PRDM15: variants seen among roughly 807,000 people sequenced by gnomAD.
PRDM15 encodes the protein PR/SET domain 15.
A neutral mutation model predicts 128.6 loss-of-function variants in PRDM15; 64 were observed. That is an observed-to-expected ratio of 0.50 (90% CI 0.41 to 0.61). PRDM15 has a LOEUF of 0.61. Among genes scored for constraint, PRDM15 ranks in the 20% least tolerant of loss-of-function variants. PRDM15 has a pLI of 0.00. For missense variants in PRDM15, 1,242 were observed against 1,569.1 expected (o/e 0.79, Z 3.52); for synonymous variants, 615 against 621.8 (o/e 0.99, Z 0.16).
At chr21:41,878,646 C>A in intron 1 of PRDM15, 2 of 1,233,902 alleles carry the variant, frequency 1.6e-6, no homozygotes, top group South Asian at 1.3e-5. Flanking sequence ...TCTCTGCCAC[C>A]AAAAGGCTTA....
chr21:41,858,751 G>A (rs1020795785), intron 3 of PRDM15, among the ~76,000 whole-genome samples: 1 of 151,484 alleles, frequency 6.6e-6, no homozygotes, highest in Non-Finnish European at 1.5e-5. Context: ...GAGGGTTCTG[G>A]GGAAGAGGGG....
At chr21:41,861,790 A>G in intron 1 of PRDM15, 2 of 1,603,516 alleles carry the variant, frequency 1.2e-6, no homozygotes, top group South Asian at 2.2e-5. Flanking sequence ...AAGTTAGGAG[A>G]GTGAGTTAGC....
At position 41,821,930 on chromosome 21, in the gene PRDM15, A is replaced by G; in HGVS notation, c.1869T>C (p.Pro623=). The G allele has an allele frequency of 3.1e-6, 5 of 1,614,136 alleles. No individual in the cohort carries two copies. The highest frequency in any genetic ancestry group is 4.2e-6 in the Non-Finnish European group (5 of 1,180,034). Residue 623 remains proline, a synonymous_variant, in exon 15 of 24, where the codon CCT becomes CCC. Transcript: ENST00000398548. This position sits in a 1 kb window ranked among gnomAD's most constrained non-coding sequence, Gnocchi z 5.4. Reference sequence around the variant, plus strand: ...GGCACCGCTTGCAGCTGTACTTGTGAGGCTCCGAGTCTGCGCTCTCGTCAG... The same window carrying G: ...GGCACCGCTTGCAGCTGTACTTGTGGGGCTCCGAGTCTGCGCTCTCGTCAG... ...DNSDESADSE[P]HKYSCKRCQL...
chr21:41,857,240 T>C lies in PRDM15; in HGVS notation c.221A>G (p.Gln74Arg). Residue 74 changes from glutamine (Q) to arginine (R), a missense_variant, in exon 4 of 24, where the codon CAG (glutamine) becomes CGG (arginine). Coordinates refer to ENST00000398548, the MANE Select transcript of PRDM15 (RefSeq NM_001040424.3). ...FAITQLVKRT[Q>R]FGPFESRRVA... ...CCTCCTGGACTCAAAGGGACCGAACTGTGTCCGCTTGACGAGCTGAGTGAT... is the reference window on the plus strand; with the variant it reads ...CCTCCTGGACTCAAAGGGACCGAACCGTGTCCGCTTGACGAGCTGAGTGAT... 1 of 1,613,880 alleles carries C rather than the reference T, an allele frequency of 6.2e-7. No individual in the cohort carries two copies. Among genetic ancestry groups the C allele is most frequent in the African/African-American group, 1.3e-5 (1 of 75,028 alleles).
intron 1 of PRDM15, among the ~76,000 whole-genome samples, chr21:41,865,369 C>A (rs2063970901): frequency 1.3e-5 from 2 of 152,220 alleles, no homozygotes; most frequent in South Asian, 4.1e-4. Context: ...CATGTCTCTC[C>A]CACCACACTT....
rs1173453237 is a variant in PRDM15, at chr21:41,828,025, C to T, written c.1534+141G>A. 3.9e-6 allele frequency: 3 copies of T among 772,462 alleles called. No homozygotes were observed. The highest frequency in any genetic ancestry group is 2.6e-5 in the East Asian group (1 of 38,020). The allele number at this position is 772,462 out of a possible 1,614,324, so 47.9% of individuals were successfully genotyped here. A position where few individuals can be genotyped will look rare whatever the true frequency, so the allele number is the denominator to read the frequency against. On this transcript the variant is annotated intron_variant, in intron 12 of 23. Coordinates refer to ENST00000398548, the MANE Select transcript of PRDM15 (RefSeq NM_001040424.3). The surrounding 1 kb of genome is among the most constrained non-coding windows in gnomAD (Gnocchi z 5.7). ...GGTTCTCAGAAGAGGATGAGCCCAT[C>T]GGATGGCGGGCGTTTCCAGGCAAAG... is the stretch of plus-strand genomic sequence containing the variant.
At position 41,854,727 on chromosome 21, in the gene PRDM15, G is replaced by C. The variant is rs2063527774; in HGVS notation, c.377C>G (p.Ala126Gly). 2 of 1,613,190 alleles carry C rather than the reference G, an allele frequency of 1.2e-6. No homozygotes were observed. Among genetic ancestry groups the C allele is most frequent in the Non-Finnish European group, 1.7e-6 (2 of 1,179,906 alleles). Residue 126 changes from alanine (A) to glycine (G), a missense_variant, in exon 5 of 24, where the codon GCC becomes GGC. By Grantham distance (60) the Ala-to-Gly change is moderately conservative. Around this residue, in one of 3 missense-constraint regions of PRDM15, gnomAD observed 612 missense variants for 717.0 expected, o/e 0.85. Coordinates refer to ENST00000398548, the MANE Select transcript of PRDM15 (RefSeq NM_001040424.3). This position sits in a 1 kb window ranked among gnomAD's most constrained non-coding sequence, Gnocchi z 4.6. Reference protein sequence around the residue: ...WMMLVRPAAEAEHQNLTAYQH... With the variant: ...WMMLVRPAAEGEHQNLTAYQH... ...GTAGGCCGTCAGGTTCTGGTGCTCG[G>C]CCTCCGCCGCTGGCCGCACCAGCAT...
intron 18 of PRDM15, among the ~76,000 whole-genome samples, chr21:41,819,120 C>T (rs1226514340): frequency 1.3e-5 from 2 of 152,234 alleles, no homozygotes; most frequent in Non-Finnish European, 2.9e-5. Context: ...GCTTTCTGGA[C>T]TACTTGATTT....
intron 23 of PRDM15, among the ~76,000 whole-genome samples, chr21:41,802,206 A>G (rs1696502740): frequency 6.6e-6 from 1 of 152,242 alleles, no homozygotes; most frequent in African/African-American, 2.4e-5. Flanking sequence ...AAGAGAGAGA[A>G]GTGCAGTATT....
In PRDM15 at chr21:41,863,061, C is replaced by T. The variant is rs544082044; in HGVS notation, c.-9-2689G>A. On this transcript the variant is annotated intron_variant, in intron 1 of 23. Transcript: ENST00000398548. Reference sequence around the variant, plus strand: ...GCACGTGCCTGTAATCCCAGCTACTCGGGAGGCTGAGGCAGGAGAATCGCT... The same window carrying T: ...GCACGTGCCTGTAATCCCAGCTACTTGGGAGGCTGAGGCAGGAGAATCGCT... Among the ~76,000 whole-genome samples, 4 of 151,812 alleles carry T rather than the reference C, an allele frequency of 2.6e-5. No individual in the cohort carries two copies. The East Asian group carries it at 5.8e-4, about 22-fold the overall frequency.
In PRDM15 at chr21:41,879,082, C is replaced by T. The variant is rs1231609171; in HGVS notation, c.-10+188G>A. The T allele has an allele frequency of 8.4e-5, 95 of 1,131,364 alleles. No individual in the cohort carries two copies. Among genetic ancestry groups the T allele is most frequent in the Non-Finnish European group, 9.4e-5 (84 of 897,734 alleles). 70.1% of individuals were successfully genotyped at this position (1,131,364 alleles called of 1,614,324 possible). ...TGACTCCGATCGCCAACGGTGCCCG[C>T]AGCCGGCGAATGTAACAAAGAACAG... On this transcript the variant is annotated intron_variant, in intron 1 of 23. Coordinates refer to ENST00000398548, the MANE Select transcript of PRDM15 (RefSeq NM_001040424.3). This position sits in a 1 kb window ranked among gnomAD's most constrained non-coding sequence, Gnocchi z 5.1.
At chr21:41,858,113 G>A (rs2063694516) in intron 3 of PRDM15, among the ~76,000 whole-genome samples, 2 of 152,350 alleles carry the variant, frequency 1.3e-5, no homozygotes, top group African/African-American at 2.4e-5. Context: ...CGAGAAAGAC[G>A]CAAGGGCCAT....
chr21:41,878,098 G>A (rs1012877579), intron 1 of PRDM15, among the ~76,000 whole-genome samples: 2 of 152,236 alleles, frequency 1.3e-5, no homozygotes, highest in Non-Finnish European at 2.9e-5. Context: ...ATTCTCCAAG[G>A]AGAACTGTCA....
At chr21:41,871,710 G>C in intron 1 of PRDM15, 1 of 1,436,372 alleles carries the variant, frequency 7.0e-7, no homozygotes, top group Non-Finnish European at 9.4e-7. Context: ...AACTAACAGT[G>C]GTCCTCTGTT....
rs1484656626 is a variant in PRDM15, at chr21:41,854,577, G to A, written c.527C>T (p.Ser176Phe). The A allele has an allele frequency of 1.2e-6, 2 of 1,613,120 alleles. No homozygotes were observed. The highest frequency in any genetic ancestry group is 4.5e-5 in the East Asian group (2 of 44,882). Residue 176 changes from serine to phenylalanine, a missense_variant, in exon 5 of 24, where the codon TCT (serine) becomes TTT (phenylalanine). Around this residue, in one of 3 missense-constraint regions of PRDM15, gnomAD observed 612 missense variants for 717.0 expected, o/e 0.85. Coordinates refer to ENST00000398548, the MANE Select transcript of PRDM15 (RefSeq NM_001040424.3). This position sits in a 1 kb window ranked among gnomAD's most constrained non-coding sequence, Gnocchi z 4.6. ...GGGCCGCCACATACCGTGGACGCCA[G>A]AGCCGGCCTGCTTCAGCATGGGCTT... ...MDKPMLKQAGSGVHAAGTPEN... is the reference protein window; with the variant it reads ...MDKPMLKQAGFGVHAAGTPEN...
intron 7 of PRDM15, 78 bp downstream of exon 7, chr21:41,839,545 C>T: frequency 1.6e-6 from 2 of 1,242,600 alleles, no homozygotes; most frequent in Non-Finnish European, 2.3e-6. Context: ...CCGCCCTCTG[C>T]CCCCTGCCCC....
chr21:41,820,247 C>A, intron 16 of PRDM15, 73 bp from the exon 17 acceptor site: 3 of 1,167,714 alleles, frequency 2.6e-6, no homozygotes, highest in Non-Finnish European at 3.8e-6. Context: ...CTTTCCCCAG[C>A]ACCTTCATCT....
At chr21:41,829,821 C>T (rs1453098287) in intron 11 of PRDM15, among the ~76,000 whole-genome samples, 1 of 151,016 alleles carries the variant, frequency 6.6e-6, no homozygotes, top group African/African-American at 2.4e-5. Context: ...CACACACACC[C>T]CACATACACA....
In PRDM15 at chr21:41,836,558, G is replaced by C. The variant is rs1246510062; in HGVS notation, c.1093C>G (p.Leu365Val). Residue 365 changes from leucine to valine, a missense_variant, in exon 9 of 24, where the codon CTC becomes GTC. Leu to Val is a conservative substitution (Grantham distance 32, BLOSUM62 1). Coordinates refer to ENST00000398548, the MANE Select transcript of PRDM15 (RefSeq NM_001040424.3). ...TGGTAAACCCGCTTGTGCTCCCCGA[G>C]CTGTTTGATGAGCTTGCGCCGGATG... The part of the protein sequence containing the change: ...HGIRRKLIKQ[L>V]GEHKRVYQCN... The C allele has an allele frequency of 1.9e-6, 3 of 1,613,352 alleles. No individual in the cohort carries two copies. In the East Asian group the frequency reaches 6.7e-5, roughly 36 times the overall value.
Sources: gnomAD v4.1 joint callset for allele counts (sites outside exome capture counted in the v4.1 genomes callset) on GRCh38, gnomAD v4.1.1 for gene constraint, gnomAD v4.1.1 regional missense constraint, Gnocchi (gnomAD v3.1) non-coding constraint, MANE v1.5 for transcripts, NCBI Gene and HGNC (gene_info 2026-07-23, HGNC 2026-07-21) for gene names.